Variants in AFG2A observed in about 807,000 individuals in gnomAD.
The protein encoded by AFG2A is ATPase family gene 2 protein homolog A.
chr4:123,160,505 T>C, the AFG2A span, among the ~76,000 whole-genome samples: 1 of 152,234 alleles, frequency 6.6e-6, no homozygotes, highest in Non-Finnish European at 1.5e-5. Flanking sequence ...TGTCATTCTG[T>C]AGTATCCTTG....
chr4:123,065,824 T>C, the AFG2A span, among the ~76,000 whole-genome samples: 2 of 152,010 alleles, frequency 1.3e-5, no homozygotes, highest in African/African-American at 2.4e-5. Context: ...TGAAAAAAAA[T>C]TATCCTAGAT....
chr4:122,970,926 C>T, the AFG2A span, among the ~76,000 whole-genome samples: 242 of 152,210 alleles, frequency 1.6e-3, 2 homozygotes, highest in African/African-American at 5.6e-3. Context: ...CTCTGCCTCC[C>T]GGGTTCAAGC....
the AFG2A span, among the ~76,000 whole-genome samples, chr4:122,973,745 C>A: frequency 3.3e-5 from 5 of 152,162 alleles, no homozygotes; most frequent in Non-Finnish European, 7.3e-5. Context: ...TGACTGAGTG[C>A]AGCAGCATGA....
At chr4:123,010,351 A>G in the AFG2A span, among the ~76,000 whole-genome samples, 1 of 152,094 alleles carries the variant, frequency 6.6e-6, no homozygotes, top group Non-Finnish European at 1.5e-5. Context: ...AGTATTCCGT[A>G]TAATTTTTTG....
At chr4:123,223,545 G>T in the AFG2A span, among the ~76,000 whole-genome samples, 3 of 152,186 alleles carry the variant, frequency 2.0e-5, 1 homozygote, top group African/African-American at 7.2e-5. Flanking sequence ...CAAAGGGGAA[G>T]CAGGCACATC....
the AFG2A span, among the ~76,000 whole-genome samples, chr4:123,133,489 C>CGTGT: frequency 8.7e-3 from 1,296 of 148,166 alleles, 13 homozygotes; most frequent in Non-Finnish European, 0.014. Context: ...TAGGCGTGTG[C>CGTGT]GTGTGTGTGT....
At chr4:123,090,682 A>G in the AFG2A span, 1 of 1,614,122 alleles carries the variant, frequency 6.2e-7, no homozygotes, top group Non-Finnish European at 8.5e-7. Context: ...GGCAGCTACT[A>G]ACCGTCCAGA....
At chr4:123,106,338 G>T in the AFG2A span, among the ~76,000 whole-genome samples, 1 of 152,054 alleles carries the variant, frequency 6.6e-6, no homozygotes, top group East Asian at 1.9e-4. Flanking sequence ...AGAAATTCTT[G>T]TCACTTGCTT....
the AFG2A span, among the ~76,000 whole-genome samples, chr4:123,188,061 C>T: frequency 1.3e-5 from 2 of 151,010 alleles, no homozygotes; most frequent in South Asian, 4.2e-4. Flanking sequence ...TAAATAAAAA[C>T]AGAAGAAAGA....
At chr4:123,137,221 G>C in the AFG2A span, among the ~76,000 whole-genome samples, 1 of 152,100 alleles carries the variant, frequency 6.6e-6, no homozygotes, top group African/African-American at 2.4e-5. Context: ...TCCACAACCC[G>C]GGGGTTGATG....
the AFG2A span, among the ~76,000 whole-genome samples, chr4:123,188,148 G>A: frequency 6.6e-6 from 1 of 151,858 alleles, no homozygotes; most frequent in East Asian, 1.9e-4. Flanking sequence ...ATCTTAGGTA[G>A]ACCATATATA....
chr4:122,959,544 C>T, the AFG2A span, among the ~76,000 whole-genome samples: 3 of 152,236 alleles, frequency 2.0e-5, no homozygotes, highest in Non-Finnish European at 2.9e-5. Context: ...TCTGGACTGC[C>T]GCATAGTGAA....
chr4:123,272,387 A>G, the AFG2A span, among the ~76,000 whole-genome samples: 13 of 152,102 alleles, frequency 8.5e-5, no homozygotes, highest in Non-Finnish European at 1.8e-4. Context: ...TTCCCCCTTC[A>G]TGCTCATTTG....
the AFG2A span, among the ~76,000 whole-genome samples, chr4:123,025,371 G>A: frequency 9.8e-5 from 15 of 152,306 alleles, no homozygotes; most frequent in Middle Eastern, 6.8e-3. Context: ...AAATGGAACC[G>A]AGGTAGTGGA....
the AFG2A span, among the ~76,000 whole-genome samples, chr4:123,173,996 G>C: frequency 6.6e-6 from 1 of 152,044 alleles, no homozygotes; most frequent in African/African-American, 2.4e-5. Flanking sequence ...TGAAATAAAG[G>C]TGGACAGAGA....
the AFG2A span, chr4:123,057,151 A>G: frequency 6.3e-7 from 1 of 1,577,364 alleles, no homozygotes; most frequent in African/African-American, 1.3e-5. Flanking sequence ...AAACAAACCA[A>G]CTACAGAATT....
the AFG2A span, chr4:123,056,296 C>T: frequency 1.6e-5 from 19 of 1,225,662 alleles, no homozygotes; most frequent in Non-Finnish European, 2.1e-5. Context: ...TGTTTATTTT[C>T]TCTTTTGTGT....
At chr4:123,224,525 A>G in the AFG2A span, among the ~76,000 whole-genome samples, 1 of 152,124 alleles carries the variant, frequency 6.6e-6, no homozygotes, top group Non-Finnish European at 1.5e-5. Flanking sequence ...CCATGTCCCT[A>G]CAAAGGACAT....
At chr4:122,959,610 A>G in the AFG2A span, among the ~76,000 whole-genome samples, 1 of 152,218 alleles carries the variant, frequency 6.6e-6, no homozygotes. Context: ...AATGGCATGA[A>G]TTGAAGTGAT....
Sources: gnomAD v4.1 joint callset for allele counts (sites outside exome capture counted in the v4.1 genomes callset) on GRCh38, gnomAD v4.1.1 for gene constraint, MANE v1.5 for transcripts, NCBI Gene and HGNC (gene_info 2026-07-23, HGNC 2026-07-21) for gene names.